Variants in CFAP299 observed in about 807,000 individuals in gnomAD.
CFAP299 encodes cilia- and flagella-associated protein 299.
A neutral mutation model predicts 27.0 loss-of-function variants in CFAP299; 21 were observed. The ratio of observed to expected loss-of-function variants is 0.78; its 90% CI spans 0.55 to 1.12. The LOEUF (loss-of-function observed/expected upper bound fraction) is 1.12, where lower values mean the gene tolerates loss of function less well. Among genes scored for constraint, CFAP299 ranks in the 50% most tolerant of loss-of-function variants. The pLI is 0.00. For missense variants in CFAP299, 310 were observed against 276.6 expected (o/e 1.12, Z -0.86); for synonymous variants, 104 against 98.1 (o/e 1.06, Z -0.36).
intron 3 of CFAP299, among the ~76,000 whole-genome samples, chr4:80,611,843 G>A (rs1737998383): frequency 6.6e-6 from 1 of 151,972 alleles, no homozygotes; most frequent in Admixed American, 6.6e-5. Context: ...AAGAATAACT[G>A]AATTGTGTCA....
At chr4:80,800,339 T>C (rs934435858) in intron 3 of CFAP299, among the ~76,000 whole-genome samples, 1,042 of 70,988 alleles carry the variant, frequency 0.015, 13 homozygotes, top group East Asian at 0.044. Context: ...TTAATATATA[T>C]AATATATAAT....
chr4:80,368,803 T>G (rs1295484667), intron 2 of CFAP299, among the ~76,000 whole-genome samples: 2 of 152,232 alleles, frequency 1.3e-5, no homozygotes, highest in South Asian at 2.1e-4. Context: ...GTGAAATAAT[T>G]TTAACTTTTT....
upstream of CFAP299, among the ~76,000 whole-genome samples, chr4:80,333,272 G>C (rs1464355178): frequency 6.6e-6 from 1 of 152,152 alleles, no homozygotes; most frequent in Non-Finnish European, 1.5e-5. Flanking sequence ...AGTAAATTTA[G>C]TATCACCATT....
chr4:80,325,400 A>G, the CFAP299 span, among the ~76,000 whole-genome samples: 1 of 152,220 alleles, frequency 6.6e-6, no homozygotes, highest in Non-Finnish European at 1.5e-5. Context: ...ATACATTCTG[A>G]GATATCAGTA....
intron 5 of CFAP299, among the ~76,000 whole-genome samples, 198 bp downstream of exon 5, chr4:80,945,137 A>G (rs1737407083): frequency 1.3e-5 from 2 of 152,230 alleles, no homozygotes; most frequent in Non-Finnish European, 2.9e-5. Flanking sequence ...TTAATAAGAA[A>G]GAGTTTAGGG....
intron 3 of CFAP299, among the ~76,000 whole-genome samples, chr4:80,702,339 C>G (rs898864836): frequency 6.6e-6 from 1 of 151,810 alleles, no homozygotes; most frequent in East Asian, 1.9e-4. Context: ...AGACATTTAT[C>G]CTTTAAAGAA....
chr4:80,567,536 AG>A lies in CFAP299; in HGVS notation c.243-15553del, dbSNP rs552609168. 6.6e-3 allele frequency among the ~76,000 whole-genome samples: 1,010 copies of A among 152,084 alleles called. 11 individuals are homozygous for A. The highest frequency in any genetic ancestry group is 0.023 in the African/African-American group (960 of 41,504). On this transcript the variant is annotated intron_variant, in intron 2 of 5. Coordinates refer to ENST00000358105, the MANE Select transcript of CFAP299 (RefSeq NM_152770.3). ...CAATTAAGAATAGTTTACGAAAAAA[AG>A]GGGAGGAGACTAAAAAAGCACATAT...
At position 80,698,452 on chromosome 4, in the gene CFAP299, CAA is replaced by C. The variant is rs1390571950; in HGVS notation, c.333+115270_333+115271del. Among the ~76,000 whole-genome samples the C allele has an allele frequency of 7.9e-5, 12 of 152,238 alleles. No homozygotes were observed. In the East Asian group the frequency reaches 2.1e-3, roughly 27 times the overall value. ...ACTCTATTTGAACTTATTAATACGT[CAA>C]GTTAATTTGACTTTTTCTGCGTTTT... On this transcript the variant is annotated intron_variant, in intron 3 of 5. Transcript: ENST00000358105.
chr4:80,869,771 C>T (rs1473493836), intron 3 of CFAP299, among the ~76,000 whole-genome samples: 2 of 152,218 alleles, frequency 1.3e-5, no homozygotes, highest in African/African-American at 4.8e-5. Context: ...TTCGGCCTCC[C>T]AAAGTGCTGG....
intron 3 of CFAP299, among the ~76,000 whole-genome samples, chr4:80,802,402 T>G (rs1404827646): frequency 1.3e-5 from 2 of 152,028 alleles, no homozygotes; most frequent in African/African-American, 4.8e-5. Context: ...CTAACACATT[T>G]CATGTTAAAA....
chr4:80,495,709 G>A (rs572578387), intron 2 of CFAP299, among the ~76,000 whole-genome samples: 22 of 152,118 alleles, frequency 1.4e-4, no homozygotes, highest in Admixed American at 5.9e-4. Flanking sequence ...ACCCAAGACC[G>A]GGCAATTTAT....
intron 2 of CFAP299, among the ~76,000 whole-genome samples, chr4:80,474,083 G>A (rs1030131179): frequency 7.9e-5 from 12 of 152,026 alleles, no homozygotes; most frequent in Non-Finnish European, 2.9e-5. Context: ...TATTAAATTA[G>A]CATCTTCATT....
Position 80,556,207 on chromosome 4 carries a change from C to T in CFAP299, c.243-26886C>T, listed in dbSNP as rs114819142. 5.7e-3 allele frequency among the ~76,000 whole-genome samples: 872 copies of T among 152,100 alleles called. 6 individuals carry two copies. The highest frequency in any genetic ancestry group is 0.02 in the African/African-American group (827 of 41,520). On this transcript the variant is annotated intron_variant, in intron 2 of 5. Coordinates refer to ENST00000358105, the MANE Select transcript of CFAP299 (RefSeq NM_152770.3). ...GTCTCTAATCCAATGGCACAATCTC[C>T]AAAGTTATCAGAAAACTTGTATTTA...
intron 4 of CFAP299, among the ~76,000 whole-genome samples, chr4:80,916,252 A>ATATAT (rs1735745218): frequency 1.6e-5 from 1 of 60,932 alleles, no homozygotes; most frequent in Non-Finnish European, 4.0e-5. Context: ...ACTAGACTGA[A>ATATAT]ATATATATAT....
chr4:80,732,305 T>C (rs1723577264), intron 3 of CFAP299, among the ~76,000 whole-genome samples: 1 of 3,526 alleles, frequency 2.8e-4, no homozygotes, highest in Non-Finnish European at 0.023. Flanking sequence ...GAGTTTCTGC[T>C]TACTTTTTTC....
At chr4:80,370,229 G>T (rs188997450) in intron 2 of CFAP299, among the ~76,000 whole-genome samples, 8 of 152,030 alleles carry the variant, frequency 5.3e-5, no homozygotes, top group Non-Finnish European at 7.4e-5. Context: ...AGAGTACCAG[G>T]GGGAAATCTG....
At chr4:80,724,908 T>C (rs1349570011) in intron 3 of CFAP299, among the ~76,000 whole-genome samples, 2 of 150,984 alleles carry the variant, frequency 1.3e-5, no homozygotes, top group African/African-American at 4.9e-5. Context: ...TTTCTTTTTC[T>C]TTCTTTCCTT....
chr4:80,722,014 G>A (rs1722846189), intron 3 of CFAP299, among the ~76,000 whole-genome samples: 1 of 152,088 alleles, frequency 6.6e-6, no homozygotes, highest in Admixed American at 6.5e-5. Context: ...AAGGAACAAA[G>A]AACATCAGAA....
At chr4:80,389,641 A>C (rs1017742806) in intron 2 of CFAP299, among the ~76,000 whole-genome samples, 10 of 152,220 alleles carry the variant, frequency 6.6e-5, no homozygotes, top group Non-Finnish European at 1.5e-4. Context: ...ATCATTGAGA[A>C]AACAAAATAG....
Sources: allele counts gnomAD v4.1 joint callset (sites outside exome capture counted in the v4.1 genomes callset), GRCh38; gene constraint gnomAD v4.1.1; transcripts MANE v1.5; gene names NCBI Gene and HGNC (gene_info 2026-07-23, HGNC 2026-07-21).